ARIH1: variants seen among roughly 807,000 people sequenced by gnomAD.
ARIH1 encodes the protein ariadne RBR E3 ubiquitin protein ligase 1.
ARIH1 carries 8 observed loss-of-function variants against 85.0 expected under a neutral mutation model. The observed-to-expected ratio is 0.09, with a 90% CI of 0.06 to 0.17. The LOEUF is 0.17. Among genes scored for constraint, ARIH1 ranks in the 10% least tolerant of loss-of-function variants. ARIH1 has a pLI of 1.00. For missense variants in ARIH1, 311 were observed against 718.1 expected (o/e 0.43, Z 6.48); for synonymous variants, 238 against 253.6 (o/e 0.94, Z 0.59).
In ARIH1 at chr15:72,600,595, C is replaced by G. The variant is rs1230279031; in HGVS notation, c.*17303C>G. 6.6e-6 allele frequency: 1 copy of G among 152,152 alleles called. No individual in the cohort carries two copies. Among genetic ancestry groups the G allele is most frequent in the Non-Finnish European group, 1.5e-5 (1 of 68,050 alleles). The allele number at this position is 152,152 out of a possible 1,614,324, so 9.4% of individuals were successfully genotyped here. A position where few individuals can be genotyped will look rare whatever the true frequency, so the allele number is the denominator to read the frequency against. On this transcript the variant is annotated 3_prime_UTR_variant, in exon 14 of 14. Coordinates refer to ENST00000379887, the MANE Select transcript of ARIH1 (RefSeq NM_005744.5). Reference sequence around the variant, plus strand: ...GACGGGTCTCACTATGTTGCTCAGGCTGGTATTGAACTCCTGGGCTCAAGC... The same window carrying G: ...GACGGGTCTCACTATGTTGCTCAGGGTGGTATTGAACTCCTGGGCTCAAGC...
At chr15:72,531,319 G>T (rs1294649024) in intron 2 of ARIH1, among the ~76,000 whole-genome samples, 1 of 151,972 alleles carries the variant, frequency 6.6e-6, no homozygotes, top group Non-Finnish European at 1.5e-5. Context: ...CCAGGCTGGA[G>T]TGCAGTGGCA....
rs1177167142 is a variant in ARIH1, at chr15:72,474,419, C to T, written c.-221C>T. On this transcript the variant is annotated 5_prime_UTR_variant, in exon 1 of 14. Coordinates refer to ENST00000379887, the MANE Select transcript of ARIH1 (RefSeq NM_005744.5). ...AGCCGCGTCTGACTGAGGCGGGCAG[C>T]AAGCGGCCCCCTCGCTCCCTCCCTC... The T allele has an allele frequency of 3.4e-6, 2 of 589,598 alleles. No individual in the cohort carries two copies. The highest frequency in any genetic ancestry group is 5.8e-6 in the Non-Finnish European group (2 of 346,136). 36.5% of individuals were successfully genotyped at this position (589,598 alleles called of 1,614,324 possible).
At chr15:72,509,242 G>C (rs544682308) in intron 1 of ARIH1, among the ~76,000 whole-genome samples, 6 of 150,466 alleles carry the variant, frequency 4.0e-5, no homozygotes, top group Non-Finnish European at 7.4e-5. Flanking sequence ...CACCTGCCTC[G>C]GTCTCCCAAA....
chr15:72,475,088 G>A (rs12903193), intron 1 of ARIH1, 74 bp downstream of exon 1: 24 of 1,533,878 alleles, frequency 1.6e-5, no homozygotes, highest in Admixed American at 6.0e-5. Flanking sequence ...GCGGTCCCGA[G>A]GGACAGGCCT....
chr15:72,539,981 C>T (rs749139643), intron 2 of ARIH1, among the ~76,000 whole-genome samples: 17 of 151,982 alleles, frequency 1.1e-4, no homozygotes, highest in Admixed American at 2.6e-4. Context: ...AACAATGGGC[C>T]GGGCACGGTG....
chr15:72,539,465 A>C lies in ARIH1; in HGVS notation c.444-5355A>C, dbSNP rs76975388. 1.8e-3 allele frequency among the ~76,000 whole-genome samples: 278 copies of C among 152,310 alleles called. 1 individual carries two copies. Among genetic ancestry groups the C allele is most frequent in the African/African-American group, 5.7e-3 (235 of 41,570 alleles). ...ACTGACAGAACAGAAAAAAAAAAGA[A>C]AGGATAAATAATGATTTTGTAGAAC... On this transcript the variant is annotated intron_variant, in intron 2 of 13. Coordinates refer to ENST00000379887, the MANE Select transcript of ARIH1 (RefSeq NM_005744.5).
chr15:72,580,548 C>G, intron 11 of ARIH1, 183 bp from the exon 12 acceptor site: 2 of 611,152 alleles, frequency 3.3e-6, no homozygotes, highest in South Asian at 4.6e-5. Flanking sequence ...ACATTCCCAT[C>G]AACAGTGTAT....
At chr15:72,559,338 C>T (rs926121844) in intron 5 of ARIH1, among the ~76,000 whole-genome samples, 2 of 152,018 alleles carry the variant, frequency 1.3e-5, no homozygotes, top group Admixed American at 6.6e-5. Flanking sequence ...GGCATGATCT[C>T]GGCTCACTGC....
In ARIH1 at chr15:72,593,950, G is replaced by A. The variant is rs1318615447; in HGVS notation, c.*10658G>A. 3 of 151,380 alleles carry A rather than the reference G, an allele frequency of 2.0e-5. No individual in the cohort carries two copies. The highest frequency in any genetic ancestry group is 2.9e-5 in the Non-Finnish European group (2 of 67,858). The allele number at this position is 151,380 out of a possible 1,614,324, so 9.4% of individuals were successfully genotyped here. ...AAAACTGCTAGAATCTTGATATGGG[G>A]TTTTGTTGAGTCTATAGGTCAATTT... is the stretch of plus-strand genomic sequence containing the variant. On this transcript the variant is annotated 3_prime_UTR_variant, in exon 14 of 14. Transcript: ENST00000379887.
rs113791857 is a variant in ARIH1, at chr15:72,599,440, C to T, written c.*16148C>T. 1 of 152,242 alleles carries T rather than the reference C, an allele frequency of 6.6e-6. No homozygotes were observed. The highest frequency in any genetic ancestry group is 6.5e-5 in the Admixed American group (1 of 15,290). The allele number at this position is 152,242 out of a possible 1,614,324, so 9.4% of individuals were successfully genotyped here. A position where few individuals can be genotyped will look rare whatever the true frequency, so the allele number is the denominator to read the frequency against. ...TCCCCTAGTGCCTCTACTCCCTCCA[C>T]AGAGACAAATATCTTACCAGTTGGT... On this transcript the variant is annotated 3_prime_UTR_variant, in exon 14 of 14. Coordinates refer to ENST00000379887, the MANE Select transcript of ARIH1 (RefSeq NM_005744.5).
In ARIH1 at chr15:72,534,706, A is replaced by T. The variant is rs2064073192; in HGVS notation, c.444-10114A>T. On this transcript the variant is annotated intron_variant, in intron 2 of 13. Transcript: ENST00000379887. ...CTGCTACCCTTGTGGTTTCTGCCAC[A>T]TCAAAGCCATACTCCCCGGATTTGG... 1.3e-5 allele frequency among the ~76,000 whole-genome samples: 2 copies of T among 152,164 alleles called. 1 individual carries two copies. The highest frequency in any genetic ancestry group is 4.1e-4 in the South Asian group (2 of 4,832).
Position 72,575,551 on chromosome 15 carries a change from CAAAAAAAAAA to C in ARIH1, c.1215+3402_1215+3411del, listed in dbSNP as rs59727915. Reference sequence around the variant, plus strand: ...AAGCAACAGAGCAAGACCCTGTCTCCAAAAAAAAAAAAAAAAAAAAAAAAAGTCTTATTAG... The same window carrying C: ...AAGCAACAGAGCAAGACCCTGTCTCCAAAAAAAAAAAAAAAGTCTTATTAG... On this transcript the variant is annotated intron_variant, in intron 11 of 13. Transcript: ENST00000379887. Among the ~76,000 whole-genome samples, 14 of 60,556 alleles carry C rather than the reference CAAAAAAAAAA, an allele frequency of 2.3e-4. No homozygotes were observed. In the Admixed American group the frequency reaches 2.4e-3, roughly 10 times the overall value. The allele number at this position is 60,556 out of a possible 152,430, so 39.7% of individuals were successfully genotyped here.
chr15:72,513,089 G>C (rs991962886), intron 1 of ARIH1, among the ~76,000 whole-genome samples: 4 of 151,826 alleles, frequency 2.6e-5, no homozygotes, highest in African/African-American at 9.7e-5. Flanking sequence ...ATAGAGTTTT[G>C]CCCTTTTTAA....
At chr15:72,579,964 T>C (rs1443024970) in intron 11 of ARIH1, among the ~76,000 whole-genome samples, 1 of 152,200 alleles carries the variant, frequency 6.6e-6, no homozygotes, top group Non-Finnish European at 1.5e-5. Flanking sequence ...ATGATACTTA[T>C]TTTGAAATAT....
At chr15:72,526,095 G>A (rs1414692401) in intron 2 of ARIH1, among the ~76,000 whole-genome samples, 2 of 151,892 alleles carry the variant, frequency 1.3e-5, no homozygotes, top group Non-Finnish European at 2.9e-5. Context: ...TTTAAAAATC[G>A]TGCTTCCTAA....
intron 1 of ARIH1, among the ~76,000 whole-genome samples, chr15:72,513,700 TCTCC>T (rs1335317891): frequency 1.1e-4 from 2 of 18,300 alleles, no homozygotes; most frequent in Non-Finnish European, 2.0e-4. Context: ...TCCCTCCCCC[TCTCC>T]CTCCCTCCCT....
chr15:72,542,105 ACTC>A (rs2064109862), intron 2 of ARIH1, among the ~76,000 whole-genome samples: 1 of 152,114 alleles, frequency 6.6e-6, no homozygotes, highest in African/African-American at 2.4e-5. Context: ...TCCTGGCTTT[ACTC>A]CTTATTACGC....
intron 1 of ARIH1, among the ~76,000 whole-genome samples, chr15:72,504,498 G>C (rs1391855057): frequency 6.6e-6 from 1 of 152,070 alleles, no homozygotes; most frequent in Non-Finnish European, 1.5e-5. Flanking sequence ...AGCAGAGAGG[G>C]GAGCTAGAGA....
At chr15:72,577,715 G>T (rs1039045722) in intron 11 of ARIH1, among the ~76,000 whole-genome samples, 1 of 152,062 alleles carries the variant, frequency 6.6e-6, no homozygotes, top group Admixed American at 6.6e-5. Context: ...CATCATAAAG[G>T]TCTTCAAGTT....
Sources: gnomAD v4.1 joint callset for allele counts (sites outside exome capture counted in the v4.1 genomes callset) on GRCh38, gnomAD v4.1.1 for gene constraint, MANE v1.5 for transcripts, NCBI Gene and HGNC (gene_info 2026-07-23, HGNC 2026-07-21) for gene names.